Variants in WWOX observed in about 807,000 individuals in gnomAD.
WWOX encodes WW domain containing oxidoreductase.
A neutral mutation model predicts 46.2 loss-of-function variants in WWOX; 69 were observed. The ratio of observed to expected loss-of-function variants is 1.49; its 90% CI spans 1.23 to 1.82. WWOX has a LOEUF of 1.82. Among genes scored for constraint, WWOX ranks in the 40% most tolerant of loss-of-function variants. WWOX has a pLI of 0.00. For synonymous variants in WWOX, 359 were observed against 202.6 expected, an observed-to-expected ratio of 1.77 and a Z score of -6.56; for missense variants, 919 against 542.6, an observed-to-expected ratio of 1.69 and a Z score of -6.89.
Position 78,313,994 on chromosome 16 carries a change from C to T in WWOX, c.517-72866C>T, listed in dbSNP as rs375486575. On this transcript the variant is annotated intron_variant, in intron 5 of 8. Coordinates refer to ENST00000566780, the MANE Select transcript of WWOX (RefSeq NM_016373.4). The stretch of plus-strand genomic sequence containing the variant: ...GGTCGAGTCGAAATCCTGGCTGTTC[C>T]GCTTTCTAACAAGCTGCTTCATCTT... Among the ~76,000 whole-genome samples the T allele has an allele frequency of 1.7e-4, 26 of 152,268 alleles. No individual in the cohort carries two copies. The South Asian group carries it at 3.1e-3, about 18-fold the overall frequency.
intron 5 of WWOX, among the ~76,000 whole-genome samples, chr16:78,307,736 G>GGCACCT (rs1201835904): frequency 6.6e-6 from 1 of 152,076 alleles, no homozygotes; most frequent in Non-Finnish European, 1.5e-5. Context: ...TAAGAGTAAA[G>GGCACCT]GCACCTGCCT....
At chr16:78,896,911 A>T (rs1001125438) in intron 8 of WWOX, 1 of 151,996 alleles carries the variant, frequency 6.6e-6, no homozygotes, top group Non-Finnish European at 1.5e-5. Flanking sequence ...ATAATCATGG[A>T]TCCACCACCC....
chr16:78,151,169 G>T (rs552016301), intron 4 of WWOX, among the ~76,000 whole-genome samples: 1 of 151,892 alleles, frequency 6.6e-6, no homozygotes, highest in African/African-American at 2.4e-5. Context: ...GAGACCCCAT[G>T]CCTGGCCAAT....
chr16:78,890,289 C>A (rs2151226807), intron 8 of WWOX: 1 of 152,154 alleles, frequency 6.6e-6, no homozygotes, highest in East Asian at 1.9e-4. Context: ...GCCCCATTTT[C>A]ATATTCTTAT....
intron 8 of WWOX, among the ~76,000 whole-genome samples, chr16:78,439,182 G>A (rs1179908855): frequency 1.3e-5 from 2 of 152,126 alleles, no homozygotes; most frequent in Non-Finnish European, 2.9e-5. Context: ...GTTGCGAGGG[G>A]GAAATATGGT....
At chr16:78,734,892 G>GGC (rs2049049922) in intron 8 of WWOX, among the ~76,000 whole-genome samples, 1 of 94,932 alleles carries the variant, frequency 1.1e-5, no homozygotes, top group African/African-American at 3.8e-5. Flanking sequence ...TTGAGATAGG[G>GGC]TCTGGCTCTG....
chr16:78,642,113 T>G (rs1230938444), intron 8 of WWOX, among the ~76,000 whole-genome samples: 3 of 152,152 alleles, frequency 2.0e-5, no homozygotes, highest in African/African-American at 7.2e-5. Flanking sequence ...CCCAAATAAT[T>G]GACAATTTCT....
At chr16:78,799,096 A>C (rs548541886) in intron 8 of WWOX, among the ~76,000 whole-genome samples, 74 of 152,286 alleles carry the variant, frequency 4.9e-4, no homozygotes, top group African/African-American at 1.7e-3. Context: ...GTGTTTTTAA[A>C]TTGTGTAGAT....
At chr16:78,595,499 C>G (rs150473214) in intron 8 of WWOX, among the ~76,000 whole-genome samples, 6 of 152,206 alleles carry the variant, frequency 3.9e-5, no homozygotes, top group Non-Finnish European at 8.8e-5. Flanking sequence ...CATGACTTCA[C>G]GTGGCTATGT....
chr16:78,499,611 T>G (rs1445654549), intron 8 of WWOX, among the ~76,000 whole-genome samples: 2 of 152,220 alleles, frequency 1.3e-5, no homozygotes, highest in African/African-American at 4.8e-5. Flanking sequence ...CGGCTCTTAG[T>G]GTAGAGCACT....
At chr16:78,498,780 A>G (rs976018839) in intron 8 of WWOX, among the ~76,000 whole-genome samples, 10 of 152,166 alleles carry the variant, frequency 6.6e-5, no homozygotes, top group African/African-American at 2.2e-4. Flanking sequence ...AGTTCACTAT[A>G]ATCTCGAACT....
At chr16:78,533,961 C>T (rs1391234600) in intron 8 of WWOX, among the ~76,000 whole-genome samples, 1 of 152,136 alleles carries the variant, frequency 6.6e-6, no homozygotes, top group Non-Finnish European at 1.5e-5. Context: ...AGTAACCCTA[C>T]ATTCTAGCGT....
chr16:78,155,205 C>T (rs2034557485), intron 4 of WWOX, among the ~76,000 whole-genome samples: 1 of 141,766 alleles, frequency 7.1e-6, no homozygotes, highest in Non-Finnish European at 1.5e-5. Context: ...AAAGAAGGAG[C>T]AAAGGAGAAA....
chr16:78,332,888 A>G lies in WWOX; in HGVS notation c.517-53972A>G, dbSNP rs72792380. ...TCGCACAGTTCAGTGTAAAGTTGCA[A>G]TGCAAACTAAGATGTTTCCGTTGCT... On this transcript the variant is annotated intron_variant, in intron 5 of 8. Coordinates refer to ENST00000566780, the MANE Select transcript of WWOX (RefSeq NM_016373.4). Among the ~76,000 whole-genome samples, 1,179 of 152,230 alleles carry G rather than the reference A, an allele frequency of 7.7e-3. 11 individuals are homozygous for G. Among genetic ancestry groups the G allele is most frequent in the South Asian group, 0.016 (77 of 4,818 alleles).
intron 8 of WWOX, among the ~76,000 whole-genome samples, chr16:78,792,714 C>G (rs1023710052): frequency 6.6e-6 from 1 of 152,170 alleles, no homozygotes; most frequent in Non-Finnish European, 1.5e-5. Context: ...ATAGAGGCAT[C>G]TCACCTGTAG....
At chr16:78,381,211 C>T (rs2081949939) in intron 5 of WWOX, among the ~76,000 whole-genome samples, 1 of 152,204 alleles carries the variant, frequency 6.6e-6, no homozygotes. Context: ...ATCAGAGTCA[C>T]ATATGGCTAA....
chr16:78,930,647 T>A (rs2045604245), intron 8 of WWOX, among the ~76,000 whole-genome samples: 1 of 151,554 alleles, frequency 6.6e-6, no homozygotes. Context: ...CACCATTATT[T>A]GGGTTTCCTG....
In WWOX at chr16:78,439,377, A is replaced by T. The variant is rs1463760292; in HGVS notation, c.1056+6625A>T. 3.3e-5 allele frequency among the ~76,000 whole-genome samples: 5 copies of T among 152,138 alleles called. No individual in the cohort carries two copies. In the East Asian group the frequency reaches 9.7e-4, roughly 29 times the overall value. On this transcript the variant is annotated intron_variant, in intron 8 of 8. Transcript: ENST00000566780. ...CCTGCAGTTGTCTGTCAACAGAAGG[A>T]CCTGGTAGCTGGCTTGTCCTCTTAC...
intron 6 of WWOX, among the ~76,000 whole-genome samples, chr16:78,406,376 C>T (rs1265121233): frequency 1.0e-4 from 12 of 120,048 alleles, no homozygotes; most frequent in East Asian, 2.6e-4. Context: ...TTTTTTGAGA[C>T]GGAGTCTTGC....
Sources: gnomAD v4.1 joint callset for allele counts (sites outside exome capture counted in the v4.1 genomes callset) on GRCh38, gnomAD v4.1.1 for gene constraint, MANE v1.5 for transcripts, NCBI Gene and HGNC (gene_info 2026-07-23, HGNC 2026-07-21) for gene names.